PDE10A: variants seen among roughly 807,000 people sequenced by gnomAD.
PDE10A encodes cAMP and cAMP-inhibited cGMP 3',5'-cyclic phosphodiesterase 10A.
Under a neutral mutation model 97.7 loss-of-function variants are expected in PDE10A, and 39 were observed. The observed-to-expected ratio is 0.40, with a 90% CI of 0.31 to 0.52. The LOEUF is 0.52. Among genes scored for constraint, PDE10A ranks in the 20% least tolerant of loss-of-function variants. The probability of loss-of-function intolerance (pLI) is 0.56; values close to 1 mark genes in which losing one functional copy is unlikely to be tolerated. For missense variants in PDE10A, 731 were observed against 1,047.8 expected, an observed-to-expected ratio of 0.70 and a Z score of 4.17; for synonymous variants, 371 against 376.8, an observed-to-expected ratio of 0.98 and a Z score of 0.18.
chr6:165,883,015 T>C (rs117307300), intron 1 of PDE10A, among the ~76,000 whole-genome samples: 3,069 of 151,098 alleles, frequency 0.02, 61 homozygotes, highest in Non-Finnish European at 0.026. Context: ...GCGGGCAGAT[T>C]GCTCGAGGTC....
chr6:165,858,799 G>T (rs1215604665), intron 1 of PDE10A, among the ~76,000 whole-genome samples: 2 of 152,158 alleles, frequency 1.3e-5, no homozygotes, highest in South Asian at 2.1e-4. Context: ...TTCCCCGGGG[G>T]TACTCCCTGG....
intron 1 of PDE10A, among the ~76,000 whole-genome samples, chr6:165,710,308 T>C (rs928277552): frequency 6.6e-6 from 1 of 152,172 alleles, no homozygotes; most frequent in Admixed American, 6.5e-5. Flanking sequence ...AAGCTACACA[T>C]AGCAGGGGCA....
At chr6:165,983,195 C>T (rs1026192437) in intron 1 of PDE10A, among the ~76,000 whole-genome samples, 1 of 152,092 alleles carries the variant, frequency 6.6e-6, no homozygotes, top group African/African-American at 2.4e-5. Context: ...TTAAGCAGGC[C>T]GGATCTATTA....
intron 1 of PDE10A, among the ~76,000 whole-genome samples, chr6:165,876,309 G>GA (rs772051943): frequency 3.0e-4 from 46 of 152,056 alleles, no homozygotes; most frequent in Non-Finnish European, 5.1e-4. Context: ...AGAAAGAAAA[G>GA]AAAATCTAAA....
At chr6:165,613,519 G>A (rs1286392929) in intron 1 of PDE10A, among the ~76,000 whole-genome samples, 1 of 152,014 alleles carries the variant, frequency 6.6e-6, no homozygotes, top group Non-Finnish European at 1.5e-5. Flanking sequence ...CGCACCTATA[G>A]TCCCAGCTAT....
chr6:165,735,112 G>GTAGGTAGGTAGGTAGGTTGGTAGATAAA (rs1183994004), intron 1 of PDE10A, among the ~76,000 whole-genome samples: 8 of 151,772 alleles, frequency 5.3e-5, no homozygotes, highest in African/African-American at 1.7e-4. Context: ...AGGCAGGTTG[G>GTAGGTAGGTAGGTAGGTTGGTAGATAAA]TAGGTAGGTA....
rs1333277506 is a variant in PDE10A at position 165,392,900 on chromosome 6, T to C, written c.2304-104A>G. ...ATATATGTCTGTACCCTTATACATT[T>C]GCAACTCTAAAGATTTCCACCCTGA... On this transcript the variant is annotated intron_variant, in intron 15 of 21. Coordinates refer to ENST00000539869, the MANE Select transcript of PDE10A (RefSeq NM_001385079.1). The C allele has an allele frequency of 9.1e-6, 9 of 991,726 alleles. No homozygotes were observed. In the African/African-American group the frequency reaches 1.4e-4, roughly 16 times the overall value. 61.4% of individuals were successfully genotyped at this position (991,726 alleles called of 1,614,324 possible). A position where few individuals can be genotyped will look rare whatever the true frequency, so the allele number is the denominator to read the frequency against.
At chr6:165,613,517 T>C (rs372726149) in intron 1 of PDE10A, among the ~76,000 whole-genome samples, 2 of 152,080 alleles carry the variant, frequency 1.3e-5, no homozygotes, top group Non-Finnish European at 2.9e-5. Context: ...TACGCACCTA[T>C]AGTCCCAGCT....
At chr6:165,723,415 C>A (rs550693082) in intron 1 of PDE10A, among the ~76,000 whole-genome samples, 1 of 152,152 alleles carries the variant, frequency 6.6e-6, no homozygotes, top group African/African-American at 2.4e-5. Context: ...ATATTTACAA[C>A]GTGACTGTGC....
intron 1 of PDE10A, among the ~76,000 whole-genome samples, chr6:165,618,532 G>A (rs1473299406): frequency 6.6e-6 from 1 of 152,132 alleles, no homozygotes; most frequent in African/African-American, 2.4e-5. Context: ...AGACATTAAG[G>A]AAACAATGGT....
chr6:165,478,268 C>G (rs172719), intron 3 of PDE10A, among the ~76,000 whole-genome samples: 106,812 of 152,024 alleles, frequency 0.7, 38,014 homozygotes, highest in African/African-American at 0.8. Flanking sequence ...AGTCATTACT[C>G]ATTCCTCTCT....
intron 1 of PDE10A, among the ~76,000 whole-genome samples, chr6:165,746,541 A>G (rs1250790711): frequency 6.6e-6 from 1 of 152,240 alleles, no homozygotes; most frequent in Non-Finnish European, 1.5e-5. Context: ...CCCATTCAGT[A>G]GTGAGGGTGT....
At chr6:165,758,240 A>T (rs1793163190) in intron 1 of PDE10A, among the ~76,000 whole-genome samples, 1 of 152,148 alleles carries the variant, frequency 6.6e-6, no homozygotes, top group South Asian at 2.1e-4. Context: ...GCTGAGGTGG[A>T]TCACGAGGTC....
intron 1 of PDE10A, among the ~76,000 whole-genome samples, chr6:165,849,996 C>G (rs1379641329): frequency 6.6e-6 from 1 of 152,164 alleles, no homozygotes; most frequent in Admixed American, 6.5e-5. Context: ...CATCATTTTC[C>G]CGCTTCCCCA....
intron 1 of PDE10A, among the ~76,000 whole-genome samples, chr6:165,683,704 G>A (rs2128439996): frequency 6.6e-6 from 1 of 152,324 alleles, no homozygotes; most frequent in South Asian, 2.1e-4. Context: ...CCCCTGAGCT[G>A]CCAGGCTGAG....
At chr6:165,778,405 A>G (rs1338867120) in intron 1 of PDE10A, among the ~76,000 whole-genome samples, 2 of 152,146 alleles carry the variant, frequency 1.3e-5, no homozygotes. Context: ...TTGTTTCTAA[A>G]ATTCATCCAT....
intron 1 of PDE10A, among the ~76,000 whole-genome samples, chr6:165,619,371 G>GTAGTCCAGTGTA (rs1562634555): frequency 1.3e-4 from 1 of 7,654 alleles, no homozygotes; most frequent in Non-Finnish European, 3.6e-4. Context: ...AGTGTAGTGT[G>GTAGTCCAGTGTA]GTGTAGTGTA....
intron 1 of PDE10A, among the ~76,000 whole-genome samples, chr6:165,626,406 A>G (rs973392782): frequency 6.6e-5 from 10 of 152,206 alleles, no homozygotes; most frequent in African/African-American, 2.2e-4. Flanking sequence ...CTAAAAGAAA[A>G]CTTTTAAATA....
At chr6:165,910,609 T>G (rs1168351979) in intron 1 of PDE10A, among the ~76,000 whole-genome samples, 1 of 152,206 alleles carries the variant, frequency 6.6e-6, no homozygotes, top group African/African-American at 2.4e-5. Context: ...GGATAAAGCT[T>G]TAGCTCCTAG....
Sources: gnomAD v4.1 joint callset for allele counts (sites outside exome capture counted in the v4.1 genomes callset) on GRCh38, gnomAD v4.1.1 for gene constraint, MANE v1.5 for transcripts, NCBI Gene and HGNC (gene_info 2026-07-23, HGNC 2026-07-21) for gene names.